Variants in RAD54L2 observed in about 807,000 individuals in gnomAD.
RAD54L2 encodes the protein helicase ARIP4.
In RAD54L2, 27 loss-of-function variants were observed where a neutral mutation model predicts 138.4. That is an observed-to-expected ratio of 0.20 (90% CI 0.14 to 0.27). The LOEUF is 0.27. Ranked by LOEUF, RAD54L2 falls within the 10% of genes least tolerant of loss-of-function variation. The probability of loss-of-function intolerance (pLI) is 1.00; values close to 1 mark genes in which losing one functional copy is unlikely to be tolerated. For missense variants in RAD54L2, 1,396 were observed against 1,890.2 expected (o/e 0.74, Z 4.85); for synonymous variants, 644 against 723.2 (o/e 0.89, Z 1.76).
chr3:51,604,192 A>G (rs1190680081), intron 3 of RAD54L2, among the ~76,000 whole-genome samples: 1 of 152,134 alleles, frequency 6.6e-6, no homozygotes, highest in African/African-American at 2.4e-5. Context: ...GGAAGATGCC[A>G]TTTTCTGAGC....
In RAD54L2 at chr3:51,605,454, T is replaced by TG. The variant is rs1390737948; in HGVS notation, c.139+14895_139+14896insG. Reference sequence around the variant, plus strand: ...ATGTATTTGCTTGAATTTGAGGGTTTTTTTTTTTTTTTTTTGAGATGGAGT... The same window carrying TG: ...ATGTATTTGCTTGAATTTGAGGGTTTGTTTTTTTTTTTTTTTGAGATGGAGT... On this transcript the variant is annotated intron_variant, in intron 3 of 22. Transcript: ENST00000684192. Among the ~76,000 whole-genome samples, 60 of 146,716 alleles carry TG rather than the reference T, an allele frequency of 4.1e-4. No homozygotes were observed. The Middle Eastern group carries it at 0.01, about 25-fold the overall frequency.
intron 2 of RAD54L2, among the ~76,000 whole-genome samples, chr3:51,577,602 G>C (rs941579227): frequency 9.9e-5 from 15 of 152,102 alleles, no homozygotes; most frequent in Admixed American, 9.8e-4. Flanking sequence ...TTATGTAATG[G>C]CCTTCTTTGT....
chr3:51,636,586 C>A (rs1359527628), intron 10 of RAD54L2, among the ~76,000 whole-genome samples: 1 of 152,152 alleles, frequency 6.6e-6, no homozygotes, highest in Non-Finnish European at 1.5e-5. Flanking sequence ...CTCTCTGCTG[C>A]CCAGTTGGTC....
intron 2 of RAD54L2, among the ~76,000 whole-genome samples, chr3:51,570,854 C>T (rs776056009): frequency 1.3e-5 from 2 of 152,128 alleles, no homozygotes; most frequent in African/African-American, 2.4e-5. Context: ...TGGAGTTTTG[C>T]TCTTGTTGCC....
chr3:51,649,920 A>C (rs959953895), intron 19 of RAD54L2, among the ~76,000 whole-genome samples: 1 of 152,234 alleles, frequency 6.6e-6, no homozygotes, highest in Non-Finnish European at 1.5e-5. Flanking sequence ...GATAGGATCA[A>C]ATTCACACAT....
intron 2 of RAD54L2, among the ~76,000 whole-genome samples, chr3:51,549,612 T>C (rs1698785808): frequency 6.6e-6 from 1 of 151,854 alleles, no homozygotes; most frequent in Admixed American, 6.6e-5. Flanking sequence ...ACCTCATCTC[T>C]ACTAAAAACA....
intron 19 of RAD54L2, among the ~76,000 whole-genome samples, chr3:51,654,829 A>G (rs1701555771): frequency 6.6e-6 from 1 of 152,182 alleles, no homozygotes; most frequent in South Asian, 2.1e-4. Context: ...TGATGAGTTC[A>G]TGATCCTGCT....
chr3:51,650,690 G>C (rs1377747563), intron 19 of RAD54L2, among the ~76,000 whole-genome samples: 1 of 152,084 alleles, frequency 6.6e-6, no homozygotes, highest in Admixed American at 6.5e-5. Flanking sequence ...ATGACTACTG[G>C]GTAAGTAATG....
chr3:51,622,179 T>C (rs9808940), intron 3 of RAD54L2, among the ~76,000 whole-genome samples: 6,755 of 152,202 alleles, frequency 0.044, 496 homozygotes, highest in African/African-American at 0.15. Context: ...TTTGAGAGGG[T>C]AGCTAGTCAC....
intron 2 of RAD54L2, among the ~76,000 whole-genome samples, chr3:51,590,143 A>G (rs907797485): frequency 1.3e-5 from 2 of 152,128 alleles, no homozygotes; most frequent in Admixed American, 1.3e-4. Flanking sequence ...GGTGTGTGCC[A>G]CCATGCCTGA....
intron 3 of RAD54L2, among the ~76,000 whole-genome samples, chr3:51,608,233 G>GGCGGGGCA: frequency 6.6e-6 from 1 of 151,258 alleles, no homozygotes; most frequent in South Asian, 2.1e-4. Flanking sequence ...CAGACGGGGC[G>GGCGGGGCA]GCGGGGCAGA....
At chr3:51,585,921 A>G (rs1239456127) in intron 2 of RAD54L2, among the ~76,000 whole-genome samples, 1 of 152,142 alleles carries the variant, frequency 6.6e-6, no homozygotes, top group East Asian at 1.9e-4. Context: ...TCTGTGTATT[A>G]GAGGCAGAGC....
chr3:51,582,508 C>T (rs1699630653), intron 2 of RAD54L2, among the ~76,000 whole-genome samples: 1 of 151,896 alleles, frequency 6.6e-6, no homozygotes, highest in Non-Finnish European at 1.5e-5. Flanking sequence ...ACACGGGCTT[C>T]TCATAGCTCA....
At chr3:51,552,419 C>T (rs144329130) in intron 2 of RAD54L2, among the ~76,000 whole-genome samples, 135 of 152,042 alleles carry the variant, frequency 8.9e-4, no homozygotes, top group African/African-American at 2.9e-3. Flanking sequence ...CCCGCCACCA[C>T]GCCCGGCTGA....
chr3:51,570,602 G>A (rs903178119), intron 2 of RAD54L2, among the ~76,000 whole-genome samples: 12 of 151,734 alleles, frequency 7.9e-5, no homozygotes, highest in Admixed American at 7.2e-4. Flanking sequence ...GATTACAGGT[G>A]CGCGCCACCA....
intron 19 of RAD54L2, 89 bp from the exon 20 acceptor site, chr3:51,655,882 T>TG: frequency 8.7e-7 from 1 of 1,152,736 alleles, no homozygotes; most frequent in Non-Finnish European, 1.2e-6. Flanking sequence ...TGGTGTAGAA[T>TG]GGGGCAGCCT....
intron 4 of RAD54L2, among the ~76,000 whole-genome samples, chr3:51,628,593 T>C (rs1436400467): frequency 6.6e-6 from 1 of 151,736 alleles, no homozygotes; most frequent in African/African-American, 2.4e-5. Context: ...TTTTGCCACG[T>C]TGGCTGAACT....
chr3:51,659,031 C>G (rs942828113), intron 21 of RAD54L2, among the ~76,000 whole-genome samples: 4 of 150,636 alleles, frequency 2.7e-5, no homozygotes, highest in African/African-American at 9.8e-5. Context: ...GTTACAGCAG[C>G]AGAATTGAGG....
chr3:51,572,671 C>T (rs1424204109), intron 2 of RAD54L2, among the ~76,000 whole-genome samples: 2 of 146,350 alleles, frequency 1.4e-5, no homozygotes, highest in African/African-American at 5.1e-5. Context: ...TGGATTCTTG[C>T]ACTGTCACCC....
Sources: allele counts gnomAD v4.1 joint callset (sites outside exome capture counted in the v4.1 genomes callset), GRCh38; gene constraint gnomAD v4.1.1; transcripts MANE v1.5; gene names NCBI Gene and HGNC (gene_info 2026-07-23, HGNC 2026-07-21).